IL1F10: variants seen among roughly 807,000 people sequenced by gnomAD.
IL1F10 encodes the protein interleukin 1 family member 10.
In IL1F10, 13 loss-of-function variants were observed where a neutral mutation model predicts 13.1. The ratio of observed to expected loss-of-function variants is 0.99; its 90% confidence interval spans 0.64 to 1.57. The LOEUF is 1.57. Ranked by LOEUF, IL1F10 falls within the 40% of genes most tolerant of loss-of-function variation. IL1F10 has a pLI of 0.00. For missense variants in IL1F10, 191 were observed against 184.1 expected (o/e 1.04, Z -0.22); for synonymous variants, 78 against 68.2 (o/e 1.14, Z -0.71).
intron 1 of IL1F10, chr2:113,072,341 G>T (rs28928291): frequency 0.026 from 4,517 of 172,376 alleles, 221 homozygotes; most frequent in African/African-American, 0.1. Context: ...GGTTTGAGCT[G>T]GGCTTATCCT....
chr2:113,075,053 A>T (rs1277372562), intron 4 of IL1F10, 99 bp from the exon 5 acceptor site: 1 of 1,294,354 alleles, frequency 7.7e-7, no homozygotes, highest in African/African-American at 1.5e-5. Flanking sequence ...GGTAAAAACC[A>T]GCCCTGTCAG....
chr2:113,071,426 C>A (rs1335442301), intron 1 of IL1F10, among the ~76,000 whole-genome samples: 2 of 152,062 alleles, frequency 1.3e-5, no homozygotes, highest in African/African-American at 2.4e-5. Context: ...GTTATTTTTC[C>A]TAAGAGTAAG....
chr2:113,070,235 G>GCAGAGGTTCAA (rs1685809596), intron 1 of IL1F10, among the ~76,000 whole-genome samples: 1 of 152,208 alleles, frequency 6.6e-6, no homozygotes, highest in African/African-American at 2.4e-5. Context: ...CAGAGGTTCA[G>GCAGAGGTTCAA]CACCAAGACC....
At chr2:113,071,199 T>C (rs995481581) in intron 1 of IL1F10, among the ~76,000 whole-genome samples, 4 of 152,262 alleles carry the variant, frequency 2.6e-5, no homozygotes, top group African/African-American at 9.6e-5. Flanking sequence ...TGATTTATAA[T>C]CTGCATTTTT....
chr2:113,073,977 A>G (rs1166870434), intron 2 of IL1F10, among the ~76,000 whole-genome samples: 1 of 152,222 alleles, frequency 6.6e-6, no homozygotes, highest in East Asian at 1.9e-4. Context: ...GGTCCACTGT[A>G]TCCCAAAGTC....
rs777879022 is a variant in IL1F10, at chr2:113,075,378, T to A, written c.*14T>A. 1.2e-5 allele frequency: 19 copies of A among 1,539,000 alleles called. No homozygotes were observed. The highest frequency in any genetic ancestry group is 1.6e-5 in the Non-Finnish European group (18 of 1,137,318). Reference sequence around the variant, plus strand: ...CAGAGCTGGTAGGGAGACAGGAAACTGCGTTTTAGCCTTGTGCCCCCAAAC... The same window carrying A: ...CAGAGCTGGTAGGGAGACAGGAAACAGCGTTTTAGCCTTGTGCCCCCAAAC... On this transcript the variant is annotated 3_prime_UTR_variant, in exon 5 of 5. Coordinates refer to ENST00000341010, the MANE Select transcript of IL1F10 (RefSeq NM_173161.3).
rs1685906338 is a variant in IL1F10, at chr2:113,074,754, G to A, written c.150G>A (p.Leu50=). ...TCTGCATACTTCCTAACAGAGGCTT[G>A]GCCCGCACCAAGGTCCCCATTTTCC... ...EKICILPNRG[L]ARTKVPIFLG... is the part of the protein sequence containing the mutation. The change falls in exon 4 of 5, where the codon TTG becomes TTA. Residue 50 remains leucine (L), a synonymous_variant. Coordinates refer to ENST00000341010, the MANE Select transcript of IL1F10 (RefSeq NM_173161.3). 24 of 1,613,742 alleles carry A rather than the reference G, an allele frequency of 1.5e-5. No homozygotes were observed. Among genetic ancestry groups the A allele is most frequent in the Non-Finnish European group, 1.9e-5 (23 of 1,179,750 alleles).
At chr2:113,069,577 A>G (rs973971934) in intron 1 of IL1F10, among the ~76,000 whole-genome samples, 3 of 152,152 alleles carry the variant, frequency 2.0e-5, no homozygotes, top group Non-Finnish European at 4.4e-5. Flanking sequence ...GGCTGGGAGG[A>G]GAAGATAATT....
chr2:113,068,666 G>A (rs1400011227), intron 1 of IL1F10, among the ~76,000 whole-genome samples: 1 of 152,152 alleles, frequency 6.6e-6, no homozygotes, highest in African/African-American at 2.4e-5. Flanking sequence ...CTATGTCCTG[G>A]CCACAAGGAC....
Position 113,074,847 on chromosome 2 carries a change from G to A in IL1F10, c.243G>A (p.Leu81=), listed in dbSNP as rs1438915419. 1.2e-6 allele frequency: 2 copies of A among 1,611,710 alleles called. No individual in the cohort carries two copies. The highest frequency in any genetic ancestry group is 1.7e-5 in the Admixed American group (1 of 59,868). Residue 81 remains leucine (L), a synonymous_variant, in exon 4 of 5, where the codon CTG becomes CTA. Coordinates refer to ENST00000341010, the MANE Select transcript of IL1F10 (RefSeq NM_173161.3). The part of the protein sequence containing the change: ...VETEEGPSLQ[L]EDVNIEELYK... ...CAGAAGAGGGGCCTTCCCTACAGCTGGAGGTGAGAGGCCTCTCCCCATTCT... is the reference window on the plus strand; with the variant it reads ...CAGAAGAGGGGCCTTCCCTACAGCTAGAGGTGAGAGGCCTCTCCCCATTCT...
chr2:113,075,067 C>CT (rs1558848753), intron 4 of IL1F10, 85 bp from the exon 5 acceptor site: 2 of 1,365,238 alleles, frequency 1.5e-6, no homozygotes, highest in South Asian at 2.7e-5. Context: ...CTGTCAGGTC[C>CT]TTTTTTGGCC....
At chr2:113,072,613 C>T (rs1685857101) in intron 1 of IL1F10, 98 bp from the exon 2 acceptor site, 2 of 737,752 alleles carry the variant, frequency 2.7e-6, no homozygotes, top group Admixed American at 2.5e-5. Flanking sequence ...CCTGGGGAAC[C>T]CGTGCAGCCC....
At position 113,074,803 on chromosome 2, in the gene IL1F10, T is replaced by C; in HGVS notation, c.199T>C (p.Cys67Arg). Reference sequence around the variant, plus strand: ...CCTGGGGATCCAGGGAGGGAGCCGCTGCCTGGCATGTGTGGAGACAGAAGA... The same window carrying C: ...CCTGGGGATCCAGGGAGGGAGCCGCCGCCTGGCATGTGTGGAGACAGAAGA... Reference protein sequence around the residue: ...IFLGIQGGSRCLACVETEEGP... With the variant: ...IFLGIQGGSRRLACVETEEGP... The change falls in exon 4 of 5, where the codon TGC becomes CGC. Residue 67 changes from cysteine to arginine, a missense_variant. Cys to Arg is a radical substitution (Grantham distance 180). Transcript: ENST00000341010. 1.9e-6 allele frequency: 3 copies of C among 1,613,508 alleles called. No individual in the cohort carries two copies. The highest frequency in any genetic ancestry group is 2.5e-6 in the Non-Finnish European group (3 of 1,180,008).
At chr2:113,069,979 A>G (rs1558846629) in intron 1 of IL1F10, among the ~76,000 whole-genome samples, 1 of 152,248 alleles carries the variant, frequency 6.6e-6, no homozygotes, top group African/African-American at 2.4e-5. Flanking sequence ...CAGGAGAATG[A>G]TGAAGGATAG....
Position 113,074,837 on chromosome 2 carries a change from C to G in IL1F10, c.233C>G (p.Ser78Cys). ...TGTGTGGAGACAGAAGAGGGGCCTT[C>G]CCTACAGCTGGAGGTGAGAGGCCTC... ...LACVETEEGP[S>C]LQLEDVNIEE... The change falls in exon 4 of 5, where the codon TCC (serine) becomes TGC (cysteine). Residue 78 changes from serine to cysteine, a missense_variant. Ser to Cys is a moderately radical substitution (Grantham distance 112). Transcript: ENST00000341010. The G allele has an allele frequency of 6.2e-7, 1 of 1,612,268 alleles. No homozygotes were observed. The highest frequency in any genetic ancestry group is 8.5e-7 in the Non-Finnish European group (1 of 1,179,864).
chr2:113,068,430 C>T (rs1358613518), intron 1 of IL1F10, among the ~76,000 whole-genome samples: 2 of 151,372 alleles, frequency 1.3e-5, no homozygotes, highest in Admixed American at 6.6e-5. Context: ...GTCTCCATTG[C>T]TTCCTGTGTC....
At chr2:113,074,623 G>A in intron 3 of IL1F10, 100 bp from the exon 4 acceptor site, 2 of 1,447,122 alleles carry the variant, frequency 1.4e-6, no homozygotes, top group Admixed American at 1.7e-5. Context: ...CAGGCCAGGT[G>A]TGCCCATGTC....
chr2:113,069,483 T>C (rs1405989172), intron 1 of IL1F10, among the ~76,000 whole-genome samples: 1 of 152,234 alleles, frequency 6.6e-6, no homozygotes, highest in Admixed American at 6.5e-5. Context: ...GTAGGAGATA[T>C]TGTCAATGAG....
intron 1 of IL1F10, among the ~76,000 whole-genome samples, chr2:113,069,262 A>G (rs1440808147): frequency 6.6e-6 from 1 of 151,950 alleles, no homozygotes; most frequent in African/African-American, 2.4e-5. Context: ...GTGACAAAAC[A>G]GTCAGTCACT....
Sources: gnomAD v4.1 joint callset for allele counts (sites outside exome capture counted in the v4.1 genomes callset) on GRCh38, gnomAD v4.1.1 for gene constraint, MANE v1.5 for transcripts, NCBI Gene and HGNC (gene_info 2026-07-23, HGNC 2026-07-21) for gene names.